Variants in RSU1 observed in about 807,000 individuals in gnomAD.
RSU1 encodes rsu-1.
In RSU1, 26 loss-of-function variants were observed where a neutral mutation model predicts 31.1. The ratio of observed to expected loss-of-function variants is 0.84; its 90% confidence interval spans 0.61 to 1.16. RSU1 has a LOEUF of 1.16. Among genes scored for constraint, RSU1 ranks in the 50% most tolerant of loss-of-function variants. RSU1 has a pLI of 0.00. For missense variants in RSU1, 320 were observed against 339.1 expected (o/e 0.94, Z 0.44); for synonymous variants, 164 against 136.3 (o/e 1.20, Z -1.41).
At position 16,663,756 on chromosome 10, in the gene RSU1, C is replaced by T. The variant is rs898909245; in HGVS notation, c.731+31267G>A. Among the ~76,000 whole-genome samples, 16 of 152,286 alleles carry T rather than the reference C, an allele frequency of 1.1e-4. No homozygotes were observed. In the East Asian group the frequency reaches 1.7e-3, roughly 17 times the overall value. On this transcript the variant is annotated intron_variant, in intron 8 of 8. Coordinates refer to ENST00000345264, the MANE Select transcript of RSU1 (RefSeq NM_012425.4). ...CTGCATACCCCACAGATCAGTGTGA[C>T]GACAGTCTTTTCACTTTCACCTCAA...
intron 8 of RSU1, among the ~76,000 whole-genome samples, chr10:16,683,160 G>GGTGTGTGTGTGT (rs4012467): frequency 6.6e-4 from 94 of 143,450 alleles, no homozygotes; most frequent in Admixed American, 1.7e-3. Flanking sequence ...ATGGGTGTGT[G>GGTGTGTGTGTGT]GTGTGTGTGT....
chr10:16,608,209 G>A (rs1053505071), intron 8 of RSU1, among the ~76,000 whole-genome samples: 3 of 152,150 alleles, frequency 2.0e-5, no homozygotes, highest in Non-Finnish European at 1.5e-5. Context: ...GGTGAATGAC[G>A]TTCCACTTAT....
At chr10:16,594,178 A>ACTT (rs1314086524) in intron 8 of RSU1, among the ~76,000 whole-genome samples, 2 of 152,106 alleles carry the variant, frequency 1.3e-5, no homozygotes, top group African/African-American at 4.8e-5. Flanking sequence ...TACAGCTCAA[A>ACTT]CTTAACTCCT....
intron 3 of RSU1, among the ~76,000 whole-genome samples, chr10:16,781,448 T>C (rs562258132): frequency 4.7e-4 from 72 of 152,306 alleles, no homozygotes; most frequent in African/African-American, 1.7e-3. Context: ...TTTTCCTCCA[T>C]CAAGCAGGGA....
intron 2 of RSU1, among the ~76,000 whole-genome samples, chr10:16,814,487 C>T (rs1173290719): frequency 6.7e-6 from 1 of 149,484 alleles, no homozygotes; most frequent in Non-Finnish European, 1.5e-5. Context: ...AATTCTTACA[C>T]TTATAATTAA....
rs1833531262 is a variant in RSU1, at chr10:16,592,803, A to T, written c.*591T>A. 6.6e-6 allele frequency: 1 copy of T among 152,260 alleles called. No individual in the cohort carries two copies. Among genetic ancestry groups the T allele is most frequent in the Non-Finnish European group, 1.5e-5 (1 of 68,054 alleles). 9.4% of individuals were successfully genotyped at this position (152,260 alleles called of 1,614,324 possible). A position where few individuals can be genotyped will look rare whatever the true frequency, so the allele number is the denominator to read the frequency against. On this transcript the variant is annotated 3_prime_UTR_variant, in exon 9 of 9. Coordinates refer to ENST00000345264, the MANE Select transcript of RSU1 (RefSeq NM_012425.4). ...TTCTTTCATGAAAAGTTTATCATGT[A>T]TAACCAATAAAATTGGATAAGATGA...
In RSU1 at chr10:16,593,266, A is replaced by AAGAG; in HGVS notation, c.*124_*127dup. 6.8e-7 allele frequency: 1 copy of AAGAG among 1,476,344 alleles called. No individual in the cohort carries two copies. Among genetic ancestry groups the AAGAG allele is most frequent in the Non-Finnish European group, 9.0e-7 (1 of 1,110,102 alleles). The allele number at this position is 1,476,344 out of a possible 1,614,324, so 91.5% of individuals were successfully genotyped here. ...AAAAGGTAAGGTGGGAAGCATTAGA[A>AAGAG]AGAGAGTGAAAAGAAAAATAAAAAA... is the stretch of plus-strand genomic sequence containing the variant. On this transcript the variant is annotated 3_prime_UTR_variant, in exon 9 of 9. Transcript: ENST00000345264.
At chr10:16,764,881 A>G (rs917056418) in intron 3 of RSU1, among the ~76,000 whole-genome samples, 1 of 150,896 alleles carries the variant, frequency 6.6e-6, no homozygotes, top group Non-Finnish European at 1.5e-5. Context: ...TCTAAGTGCA[A>G]CTTTTTTTTT....
chr10:16,593,523 C>T, intron 8 of RSU1, 27 bp from the exon 9 acceptor site: 1 of 1,569,980 alleles, frequency 6.4e-7, no homozygotes, highest in East Asian at 2.2e-5. Context: ...AGGACACTAT[C>T]AGATCTATTT....
intron 8 of RSU1, among the ~76,000 whole-genome samples, chr10:16,612,777 T>A (rs923714925): frequency 1.3e-5 from 2 of 152,238 alleles, no homozygotes; most frequent in Non-Finnish European, 1.5e-5. Context: ...GTTACCCAGA[T>A]TAGATTCTGC....
intron 7 of RSU1, among the ~76,000 whole-genome samples, chr10:16,739,466 C>CTTTTTTTTTT (rs35664560): frequency 2.1e-5 from 2 of 94,248 alleles, no homozygotes; most frequent in Admixed American, 1.4e-4. Context: ...CATTTTCTTC[C>CTTTTTTTTTT]TTTTTTTTTT....
intron 2 of RSU1, among the ~76,000 whole-genome samples, chr10:16,786,571 C>T (rs1588535032): frequency 6.6e-6 from 1 of 152,174 alleles, no homozygotes; most frequent in Admixed American, 6.5e-5. Context: ...CAGGTACCCT[C>T]GGCCCCTCTC....
chr10:16,690,524 T>C (rs995507254), intron 8 of RSU1, among the ~76,000 whole-genome samples: 13 of 152,204 alleles, frequency 8.5e-5, no homozygotes, highest in Non-Finnish European at 1.6e-4. Context: ...ACACCCCTCC[T>C]GCTTAATGGA....
intron 2 of RSU1, among the ~76,000 whole-genome samples, chr10:16,787,556 C>A (rs1173816617): frequency 6.6e-6 from 1 of 152,162 alleles, no homozygotes; most frequent in African/African-American, 2.4e-5. Context: ...TTTTAATAAT[C>A]CCCACATGTC....
intron 8 of RSU1, among the ~76,000 whole-genome samples, chr10:16,647,958 T>G: frequency 6.6e-6 from 1 of 151,932 alleles, no homozygotes; most frequent in South Asian, 2.1e-4. Flanking sequence ...CTTTTTCTTG[T>G]TTTTCTTTGA....
intron 8 of RSU1, among the ~76,000 whole-genome samples, chr10:16,680,961 C>T (rs1156953736): frequency 6.6e-6 from 1 of 152,208 alleles, no homozygotes; most frequent in Non-Finnish European, 1.5e-5. Context: ...AATGGAGATA[C>T]TGCATTAAAA....
intron 8 of RSU1, among the ~76,000 whole-genome samples, chr10:16,629,445 G>GCTTTC (rs1337130290): frequency 3.3e-5 from 5 of 152,170 alleles, no homozygotes. Context: ...AACACAGAGG[G>GCTTTC]CTTTCCTTTC....
intron 8 of RSU1, among the ~76,000 whole-genome samples, chr10:16,646,829 G>A (rs541089154): frequency 5.3e-5 from 8 of 152,252 alleles, no homozygotes; most frequent in Admixed American, 2.6e-4. Context: ...AAACCACAAC[G>A]AGACATCACA....
chr10:16,593,570 A>G, intron 8 of RSU1, 74 bp from the exon 9 acceptor site: 2 of 1,145,124 alleles, frequency 1.7e-6, no homozygotes, highest in Non-Finnish European at 2.6e-6. Flanking sequence ...AAGAGCTTTC[A>G]GGAATAGAAG....
Sources: allele counts gnomAD v4.1 joint callset (sites outside exome capture counted in the v4.1 genomes callset), GRCh38; gene constraint gnomAD v4.1.1; transcripts MANE v1.5; gene names NCBI Gene and HGNC (gene_info 2026-07-23, HGNC 2026-07-21).